The following CEACAM1 variants were observed in gnomAD, a reference collection of about 807,000 sequenced individuals.
CEACAM1 encodes the protein cell adhesion molecule CEACAM1.
In CEACAM1, 31 loss-of-function variants were observed where a neutral mutation model predicts 49.1. The observed-to-expected ratio is 0.63, with a 90% CI of 0.47 to 0.85. The LOEUF (loss-of-function observed/expected upper bound fraction) is 0.85. CEACAM1 is among the 40% of genes least tolerant of loss of function. The probability of loss-of-function intolerance (pLI) is 0.00; values close to 1 mark genes in which losing one functional copy is unlikely to be tolerated. For synonymous variants in CEACAM1, 244 were observed against 247.8 expected, an observed-to-expected ratio of 0.98 and a Z score of 0.14; for missense variants, 570 against 645.3, an observed-to-expected ratio of 0.88 and a Z score of 1.26.
chr19:42,526,079 C>T (rs1325100113), intron 2 of CEACAM1, among the ~76,000 whole-genome samples: 1 of 152,104 alleles, frequency 6.6e-6, no homozygotes, highest in East Asian at 1.9e-4. Flanking sequence ...CCTCAGCCTC[C>T]TGAGTAGCTG....
At chr19:42,511,471 A>C in intron 7 of CEACAM1, 105 bp downstream of exon 7, 1 of 968,886 alleles carries the variant, frequency 1.0e-6, no homozygotes, top group Admixed American at 1.8e-5. Context: ...CCTTTCTGTG[A>C]AAATTCAGAA....
At chr19:42,514,574 A>G (rs1256854774) in intron 5 of CEACAM1, among the ~76,000 whole-genome samples, 1 of 152,166 alleles carries the variant, frequency 6.6e-6, no homozygotes, top group Admixed American at 6.5e-5. Flanking sequence ...CACTGTGTCT[A>G]GCCTATTTCT....
chr19:42,525,591 A>T (rs1486794585), intron 2 of CEACAM1: 1 of 152,176 alleles, frequency 6.6e-6, no homozygotes. Flanking sequence ...AAACTTGGTT[A>T]ATTCTCCATT....
At chr19:42,520,791 G>C (rs2041725825) in intron 4 of CEACAM1, 1 of 174,992 alleles carries the variant, frequency 5.7e-6, no homozygotes, top group South Asian at 1.3e-4. Flanking sequence ...GCCGGGAGTA[G>C]AGCAGGGAGC....
chr19:42,513,958 CTTTTTTTTTT>C (rs869304469), intron 5 of CEACAM1, among the ~76,000 whole-genome samples: 7 of 86,884 alleles, frequency 8.1e-5, no homozygotes, highest in Admixed American at 1.3e-4. Context: ...TCTTCTTCTT[CTTTTTTTTTT>C]TTTTTTTTTT....
At chr19:42,509,334 C>T (rs999842181) in intron 8 of CEACAM1, 106 bp from the exon 9 acceptor site, 46 of 1,361,890 alleles carry the variant, frequency 3.4e-5, no homozygotes, top group South Asian at 2.9e-4. Flanking sequence ...GAAATTTTAG[C>T]TCTGGAGAAG....
At position 42,522,148 on chromosome 19, in the gene CEACAM1, T is replaced by G; in HGVS notation, c.479A>C (p.Lys160Thr). 2 of 1,614,256 alleles carry G rather than the reference T, an allele frequency of 1.2e-6. No individual in the cohort carries two copies. The highest frequency in any genetic ancestry group is 4.5e-5 in the East Asian group (2 of 44,884). Residue 160 changes from lysine (K) to threonine (T), a missense_variant, in exon 3 of 9, where the codon AAG becomes ACG. Coordinates refer to ENST00000161559, the MANE Select transcript of CEACAM1 (RefSeq NM_001712.5). ...TTCACAGGTGAAGGCCACAGCATCC[T>G]TGTCCTCCACAGGGTTGGAGTTGTT... ...SSNNSNPVED[K>T]DAVAFTCEPE...
In CEACAM1 at chr19:42,521,964, C is replaced by T. The variant is rs376193692; in HGVS notation, c.663G>A (p.Val221=). The T allele has an allele frequency of 8.1e-6, 13 of 1,614,124 alleles. No individual in the cohort carries two copies. Among genetic ancestry groups the T allele is most frequent in the African/African-American group, 1.3e-5 (1 of 74,940 alleles). ...TGACTGGGTCACTGCGGTTCGCACT[C>T]ACTGGGTTCTGTATTTCACACTCAT... The part of the protein sequence containing the change: ...GPYECEIQNP[V]SANRSDPVTL... Residue 221 remains valine, a synonymous_variant, in exon 3 of 9, where the codon GTG becomes GTA. Coordinates refer to ENST00000161559, the MANE Select transcript of CEACAM1 (RefSeq NM_001712.5).
At chr19:42,518,806 G>A in intron 5 of CEACAM1, 142 bp downstream of exon 5, 1 of 994,224 alleles carries the variant, frequency 1.0e-6, no homozygotes, top group South Asian at 1.5e-5. Flanking sequence ...GGCCTGAGCT[G>A]AGCTCTTAAC....
intron 5 of CEACAM1, among the ~76,000 whole-genome samples, chr19:42,512,781 G>A (rs142318098): frequency 1.0e-3 from 157 of 151,642 alleles, no homozygotes; most frequent in Middle Eastern, 6.8e-3. Flanking sequence ...AGGTTCAAGC[G>A]ATTCTCCTGC....
In CEACAM1 at chr19:42,519,240, G is replaced by T. The variant is rs2041679412; in HGVS notation, c.959-5C>A. On this transcript the variant is annotated splice_polypyrimidine_tract_variant and splice_region_variant and intron_variant, in intron 4 of 8. Transcript: ENST00000161559. ...TTGCTACTACTGGACTTAGCTCTGT[G>T]GACAAGCAGAGTATCTGAGATAACC... 1 of 1,613,564 alleles carries T rather than the reference G, an allele frequency of 6.2e-7. No homozygotes were observed. Among genetic ancestry groups the T allele is most frequent in the Non-Finnish European group, 8.5e-7 (1 of 1,179,906 alleles).
At position 42,521,334 on chromosome 19, in the gene CEACAM1, A is replaced by G; in HGVS notation, c.891T>C (p.Tyr297=). The G allele has an allele frequency of 5.0e-6, 8 of 1,614,118 alleles. No homozygotes were observed. The South Asian group carries it at 5.5e-5, about 11-fold the overall frequency. The change falls in exon 4 of 9, where the codon TAT becomes TAC. Residue 297 remains tyrosine (Y), a synonymous_variant. Transcript: ENST00000161559. The stretch of plus-strand genomic sequence containing the variant: ...TGACTGAGTTATTGGCGTGGCAGGT[A>G]TAGGATCCACTATTATTCACAGTGA... ...PNITVNNSGS[Y]TCHANNSVTG...
chr19:42,511,075 T>C, intron 7 of CEACAM1, 155 bp from the exon 8 acceptor site: 1 of 691,372 alleles, frequency 1.4e-6, no homozygotes, highest in Non-Finnish European at 2.6e-6. Flanking sequence ...CCCAGCATGT[T>C]AGTACCAGAG....
rs1600212403 is a variant in CEACAM1 at position 42,511,539 on chromosome 19, C to T, written c.1429+37G>A. The T allele has an allele frequency of 8.3e-6, 13 of 1,565,484 alleles. No individual in the cohort carries two copies. In the East Asian group the frequency reaches 2.9e-4, roughly 35 times the overall value. On this transcript the variant is annotated intron_variant, in intron 7 of 8. Coordinates refer to ENST00000161559, the MANE Select transcript of CEACAM1 (RefSeq NM_001712.5). ...TGCCAGGGGAGGGCACGTGGTGGAA[C>T]ATACCAGTTCTCACTGGGGTAAGTG...
intron 2 of CEACAM1, chr19:42,525,521 C>A (rs1455773642): frequency 5.3e-5 from 8 of 152,156 alleles, no homozygotes; most frequent in Admixed American, 1.3e-4. Context: ...AGCCACCACA[C>A]CTGACCCAGG....
Position 42,509,191 on chromosome 19 carries a change from G to C in CEACAM1, c.1499C>G (p.Ala500Gly). The part of the protein sequence containing the change: ...EVTYSTLNFE[A>G]QQPTQPTSAS... ...TGAAGTTGGTTGTGTGGGTTGCTGG[G>C]CTTCAAAGTTCAGGGTAGAATAAGT... Residue 500 changes from alanine (A) to glycine (G), a missense_variant, in exon 9 of 9, where the codon GCC becomes GGC. Physicochemically the swap from Ala to Gly is moderately conservative, Grantham distance 60. Coordinates refer to ENST00000161559, the MANE Select transcript of CEACAM1 (RefSeq NM_001712.5). 6.2e-7 allele frequency: 1 copy of C among 1,613,494 alleles called. No individual in the cohort carries two copies. The highest frequency in any genetic ancestry group is 8.5e-7 in the Non-Finnish European group (1 of 1,179,658).
intron 1 of CEACAM1, among the ~76,000 whole-genome samples, chr19:42,528,070 A>T (rs978259408): frequency 6.6e-6 from 1 of 152,148 alleles, no homozygotes; most frequent in African/African-American, 2.4e-5. Context: ...GCAGTTTTTG[A>T]AATTTATTGC....
intron 3 of CEACAM1, 32 bp from the exon 4 acceptor site, chr19:42,521,553 G>A: frequency 1.2e-6 from 2 of 1,600,972 alleles, no homozygotes; most frequent in Admixed American, 3.4e-5. Flanking sequence ...CACAGGTGAT[G>A]TCATCAGAGG....
At chr19:42,523,256 C>T (rs1156580318) in intron 2 of CEACAM1, among the ~76,000 whole-genome samples, 2 of 152,332 alleles carry the variant, frequency 1.3e-5, no homozygotes, top group African/African-American at 4.8e-5. Context: ...TCCTTAAACC[C>T]TGAGGATACT....
Sources: gnomAD v4.1 joint callset for allele counts (sites outside exome capture counted in the v4.1 genomes callset) on GRCh38, gnomAD v4.1.1 for gene constraint, MANE v1.5 for transcripts, NCBI Gene and HGNC (gene_info 2026-07-23, HGNC 2026-07-21) for gene names.